The following SYTL5 variants were observed in gnomAD, a reference collection of about 807,000 sequenced individuals.
The protein encoded by SYTL5 is synaptotagmin like 5.
SYTL5 carries 34 observed loss-of-function variants against 55.9 expected under a neutral mutation model. The observed-to-expected ratio is 0.61, with a 90% CI of 0.46 to 0.81. The LOEUF is 0.81. SYTL5 is among the 30% of genes least tolerant of loss of function. SYTL5 has a pLI of 0.00. For missense variants in SYTL5, 637 were observed against 546.7 expected (o/e 1.17, Z -1.65); for synonymous variants, 221 against 188.7 (o/e 1.17, Z -1.40).
the SYTL5 span, among the ~76,000 whole-genome samples, chrX:37,895,185 A>C: frequency 8.9e-6 from 1 of 112,114 alleles, no homozygotes; most frequent in African/African-American, 3.2e-5. Context: ...AATGCAAAAT[A>C]CTTCCAGGAG....
intron 2 of SYTL5, among the ~76,000 whole-genome samples, chrX:38,042,109 G>A (rs1159272277): frequency 9.1e-6 from 1 of 110,364 alleles, no homozygotes; most frequent in Non-Finnish European, 1.9e-5. Context: ...TCTCTATATA[G>A]AGATCTATAT....
chrX:37,993,383 T>A, the SYTL5 span, among the ~76,000 whole-genome samples: 16 of 112,084 alleles, frequency 1.4e-4, no homozygotes, highest in Non-Finnish European at 2.3e-4. Context: ...GCAAAGACAT[T>A]CCTGGGTTTA....
intron 2 of SYTL5, among the ~76,000 whole-genome samples, chrX:38,052,800 AT>A (rs1005678273): frequency 3.6e-5 from 4 of 110,440 alleles, no homozygotes; most frequent in African/African-American, 1.3e-4. Flanking sequence ...ATGATTCTCA[AT>A]TTTTTTTTCC....
the SYTL5 span, among the ~76,000 whole-genome samples, chrX:37,893,537 A>AAT: frequency 1.1e-5 from 1 of 89,646 alleles, no homozygotes; most frequent in Non-Finnish European, 2.1e-5. Flanking sequence ...ATCTATAGAT[A>AAT]ATATATAATC....
At chrX:38,092,083 G>GAAGTATATAGCATTAGATGGC (rs1461382490) in intron 7 of SYTL5, among the ~76,000 whole-genome samples, 1 of 112,158 alleles carries the variant, frequency 8.9e-6, no homozygotes, top group African/African-American at 3.2e-5. Context: ...CATTAAAAGG[G>GAAGTATATAGCATTAGATGGC]AAGTATATAG....
At chrX:37,981,358 C>T in the SYTL5 span, among the ~76,000 whole-genome samples, 11 of 111,328 alleles carry the variant, frequency 9.9e-5, no homozygotes, top group East Asian at 2.5e-3. Flanking sequence ...TGCAGTGGCG[C>T]GATCACAGCT....
the SYTL5 span, among the ~76,000 whole-genome samples, chrX:37,916,131 C>A: frequency 8.9e-6 from 1 of 111,918 alleles, no homozygotes; most frequent in Admixed American, 9.5e-5. Context: ...CTCAAAGGAT[C>A]TGATCTTGCT....
chrX:38,074,212 C>T (rs1198649497), intron 5 of SYTL5, among the ~76,000 whole-genome samples: 1 of 111,718 alleles, frequency 9.0e-6, no homozygotes, highest in Non-Finnish European at 1.9e-5. Flanking sequence ...AATATGGATG[C>T]CAAGTACTGA....
chrX:37,893,393 C>A, the SYTL5 span, among the ~76,000 whole-genome samples: 38 of 95,815 alleles, frequency 4.0e-4, no homozygotes, highest in Non-Finnish European at 6.9e-4. Flanking sequence ...TGAATAAAAC[C>A]TTTGACATAT....
At chrX:37,970,275 G>T in the SYTL5 span, among the ~76,000 whole-genome samples, 1 of 108,620 alleles carries the variant, frequency 9.2e-6, no homozygotes, top group African/African-American at 3.3e-5. Context: ...CCTCTTTCTT[G>T]TACAACCCCG....
the SYTL5 span, among the ~76,000 whole-genome samples, chrX:37,934,481 C>T: frequency 1.9e-5 from 2 of 106,701 alleles, no homozygotes; most frequent in Non-Finnish European, 3.8e-5. Flanking sequence ...TGATAATAGA[C>T]TGATTGAGAT....
At chrX:38,120,838 T>C (rs1274563740) in intron 14 of SYTL5, among the ~76,000 whole-genome samples, 1 of 111,250 alleles carries the variant, frequency 9.0e-6, no homozygotes, top group Non-Finnish European at 1.9e-5. Context: ...GAGGAAGAAG[T>C]TGATCTAGAA....
At chrX:37,918,665 C>G in the SYTL5 span, among the ~76,000 whole-genome samples, 2 of 111,412 alleles carry the variant, frequency 1.8e-5, no homozygotes, top group Admixed American at 9.6e-5. Flanking sequence ...TGCTACATGG[C>G]CAGAAGTACC....
intron 3 of SYTL5, among the ~76,000 whole-genome samples, chrX:38,066,759 T>C (rs7878366): frequency 0.27 from 30,171 of 110,596 alleles, 3,325 homozygotes; most frequent in South Asian, 0.37. Flanking sequence ...CCTGTTATAG[T>C]TGACAAGTAT....
chrX:37,893,738 GATAAACTATAGATTATAT>G, the SYTL5 span, among the ~76,000 whole-genome samples: 62 of 78,199 alleles, frequency 7.9e-4, 2 homozygotes, highest in African/African-American at 2.8e-3. Context: ...ATAATCTATA[GATAAACTATAGATTATAT>G]ATAATCTATA....
At chrX:38,047,128 G>A (rs976202857) in intron 2 of SYTL5, among the ~76,000 whole-genome samples, 12 of 111,991 alleles carry the variant, frequency 1.1e-4, no homozygotes, top group African/African-American at 3.6e-4. Flanking sequence ...TAGATCTACT[G>A]TTCTGCGGTC....
the SYTL5 span, among the ~76,000 whole-genome samples, chrX:37,983,067 C>T: frequency 1.8e-5 from 2 of 110,685 alleles, no homozygotes; most frequent in Admixed American, 1.9e-4. Context: ...AAAGAAAATT[C>T]TACAGTAGAA....
the SYTL5 span, among the ~76,000 whole-genome samples, chrX:37,937,685 G>A: frequency 8.9e-6 from 1 of 112,025 alleles, no homozygotes; most frequent in Non-Finnish European, 1.9e-5. Flanking sequence ...TTAGTTTATG[G>A]TAATTTGTTA....
the SYTL5 span, among the ~76,000 whole-genome samples, chrX:37,939,269 GA>G: frequency 5.0e-5 from 5 of 99,448 alleles, no homozygotes; most frequent in East Asian, 6.3e-4. Flanking sequence ...AAAAAAAAAA[GA>G]AAAAAAAAGA....
Sources: allele counts gnomAD v4.1 joint callset (sites outside exome capture counted in the v4.1 genomes callset), GRCh38; gene constraint gnomAD v4.1.1; transcripts MANE v1.5; gene names NCBI Gene and HGNC (gene_info 2026-07-23, HGNC 2026-07-21).